The following WDR72 variants were observed in gnomAD, a reference collection of about 807,000 sequenced individuals.
The protein encoded by WDR72 is WD repeat-containing protein 72.
In WDR72, 120 loss-of-function variants were observed where a neutral mutation model predicts 124.2. The ratio of observed to expected loss-of-function variants is 0.97; its 90% CI spans 0.83 to 1.12. WDR72 has a LOEUF of 1.12. WDR72 is among the 50% of genes most tolerant of loss of function. WDR72 has a pLI of 0.00. For synonymous variants in WDR72, 452 were observed against 441.7 expected (o/e 1.02, Z -0.29); for missense variants, 1,387 against 1,278.8 (o/e 1.08, Z -1.29).
chr15:53,628,815 T>A (rs2014308430), intron 14 of WDR72, among the ~76,000 whole-genome samples: 1 of 152,038 alleles, frequency 6.6e-6, no homozygotes, highest in South Asian at 2.1e-4. Context: ...AGATTTTTTT[T>A]AATTAAAAAA....
intron 2 of WDR72, among the ~76,000 whole-genome samples, chr15:53,730,454 G>A (rs1164618332): frequency 6.6e-6 from 1 of 152,166 alleles, no homozygotes; most frequent in African/African-American, 2.4e-5. Context: ...CCTAATGAAA[G>A]CGTAAATAAG....
At chr15:53,642,536 G>A (rs938789023) in intron 14 of WDR72, among the ~76,000 whole-genome samples, 1 of 151,954 alleles carries the variant, frequency 6.6e-6, no homozygotes, top group Non-Finnish European at 1.5e-5. Flanking sequence ...TGTTTTGAAG[G>A]GTGAGAGAGG....
At chr15:53,529,285 A>C (rs1348667569) in intron 18 of WDR72, among the ~76,000 whole-genome samples, 1 of 151,646 alleles carries the variant, frequency 6.6e-6, no homozygotes, top group Non-Finnish European at 1.5e-5. Flanking sequence ...CAAATCCTTA[A>C]ACAGGTTTCA....
intron 18 of WDR72, among the ~76,000 whole-genome samples, chr15:53,562,644 AAAG>A (rs1367120945): frequency 6.6e-6 from 1 of 151,830 alleles, no homozygotes; most frequent in African/African-American, 2.4e-5. Flanking sequence ...TAAAAACAGG[AAAG>A]AAGAGAGGGA....
Position 53,722,870 on chromosome 15 carries a change from C to G in WDR72, c.192G>C (p.Ser64=), listed in dbSNP as rs779819890. 4.3e-6 allele frequency: 7 copies of G among 1,612,332 alleles called. No homozygotes were observed. The highest frequency in any genetic ancestry group is 1.4e-5 in the African/African-American group (1 of 73,450). ...AKELLFGHSA[S]VTCLARARDF... The stretch of plus-strand genomic sequence containing the variant: ...CCCTTGCTCTTGCCAAACATGTTAC[C>G]GAAGCTGAATGACCAAATAGGAGTT... The change falls in exon 3 of 20, where the codon TCG becomes TCC. Residue 64 remains serine (S), a synonymous_variant. Transcript: ENST00000360509.
intron 13 of WDR72, among the ~76,000 whole-genome samples, chr15:53,665,988 C>G (rs781088311): frequency 6.6e-6 from 1 of 152,154 alleles, no homozygotes; most frequent in African/African-American, 2.4e-5. Context: ...TTCCTCTTTG[C>G]GCTTCTTCAT....
intron 14 of WDR72, among the ~76,000 whole-genome samples, chr15:53,657,549 TTAACTGA>T (rs1269340239): frequency 1.3e-5 from 2 of 152,150 alleles, no homozygotes; most frequent in African/African-American, 4.8e-5. Flanking sequence ...CCCCTTCAAA[TTAACTGA>T]TAACTACAAA....
At chr15:53,744,035 T>G (rs1489888090) in intron 1 of WDR72, among the ~76,000 whole-genome samples, 1 of 152,122 alleles carries the variant, frequency 6.6e-6, no homozygotes, top group Non-Finnish European at 1.5e-5. Context: ...AATACCTTCT[T>G]GTAGTAAATG....
chr15:53,616,379 T>A, intron 14 of WDR72, 136 bp from the exon 15 acceptor site: 1 of 620,460 alleles, frequency 1.6e-6, no homozygotes, highest in Non-Finnish European at 2.7e-6. Flanking sequence ...TTTTTTTGTC[T>A]TAGCTATAAA....
At chr15:53,641,711 C>A (rs2014858029) in intron 14 of WDR72, among the ~76,000 whole-genome samples, 1 of 151,468 alleles carries the variant, frequency 6.6e-6, no homozygotes, top group African/African-American at 2.4e-5. Flanking sequence ...GAAATCTATT[C>A]CTATTTATTT....
chr15:53,704,303 A>C (rs1301513275), intron 11 of WDR72, among the ~76,000 whole-genome samples: 1 of 152,206 alleles, frequency 6.6e-6, no homozygotes, highest in Non-Finnish European at 1.5e-5. Flanking sequence ...GTTTAAGGAC[A>C]TTTGAGTAAA....
chr15:53,606,077 T>C (rs2013268428), intron 17 of WDR72, among the ~76,000 whole-genome samples: 1 of 152,134 alleles, frequency 6.6e-6, no homozygotes, highest in African/African-American at 2.4e-5. Context: ...TCTCTGGTAG[T>C]CTTTGTCCAC....
intron 17 of WDR72, among the ~76,000 whole-genome samples, chr15:53,605,086 C>A (rs2140351939): frequency 6.6e-6 from 1 of 152,236 alleles, no homozygotes; most frequent in Non-Finnish European, 1.5e-5. Context: ...ATGGAATAAA[C>A]CTAAATGTCA....
chr15:53,559,955 A>G (rs1268566516), intron 18 of WDR72, among the ~76,000 whole-genome samples: 1 of 151,978 alleles, frequency 6.6e-6, no homozygotes, highest in Non-Finnish European at 1.5e-5. Context: ...ATAAATAAAA[A>G]GCCTTTGATA....
At chr15:53,568,069 CTTG>C (rs1894365694) in intron 18 of WDR72, among the ~76,000 whole-genome samples, 1 of 32,162 alleles carries the variant, frequency 3.1e-5, no homozygotes, top group African/African-American at 1.1e-4. Context: ...CATTTTTTGT[CTTG>C]TTTTTTTTTT....
intron 18 of WDR72, among the ~76,000 whole-genome samples, chr15:53,594,346 T>C (rs1349110412): frequency 1.3e-5 from 2 of 150,296 alleles, no homozygotes; most frequent in East Asian, 2.0e-4. Flanking sequence ...CAGGAGCTCA[T>C]AGAGGACAAA....
chr15:53,641,793 CTTAAG>C (rs1566999534), intron 14 of WDR72, among the ~76,000 whole-genome samples: 2 of 151,412 alleles, frequency 1.3e-5, no homozygotes, highest in African/African-American at 4.8e-5. Context: ...TATATAAGCA[CTTAAG>C]TTTTGTTTTT....
At chr15:53,700,818 T>C (rs2017149613) in intron 12 of WDR72, among the ~76,000 whole-genome samples, 1 of 152,146 alleles carries the variant, frequency 6.6e-6, no homozygotes, top group Non-Finnish European at 1.5e-5. Context: ...GAGCCTAGAC[T>C]TGCAGAACGG....
chr15:53,670,503 C>G (rs890414200), intron 13 of WDR72, among the ~76,000 whole-genome samples: 3 of 152,182 alleles, frequency 2.0e-5, no homozygotes, highest in Admixed American at 2.0e-4. Context: ...CATGCACAAC[C>G]CTGCCCATGT....
Sources: gnomAD v4.1 joint callset for allele counts (sites outside exome capture counted in the v4.1 genomes callset) on GRCh38, gnomAD v4.1.1 for gene constraint, MANE v1.5 for transcripts, NCBI Gene and HGNC (gene_info 2026-07-23, HGNC 2026-07-21) for gene names.